Variants in NUS1 observed in about 807,000 individuals in gnomAD.
NUS1 encodes the protein NUS1 dehydrodolichyl diphosphate synthase subunit.
For missense variants in NUS1, 292 were observed against 382.9 expected (o/e 0.76, Z 1.98); for synonymous variants, 135 against 155.2 (o/e 0.87, Z 0.97).
intron 1 of NUS1, among the ~76,000 whole-genome samples, chr6:117,691,613 T>C (rs1773222358): frequency 6.9e-6 from 1 of 145,676 alleles, no homozygotes; most frequent in African/African-American, 2.5e-5. Flanking sequence ...TCAAAAGTGA[T>C]ATAATTTTGA....
chr6:117,693,952 C>T (rs1322086945), intron 2 of NUS1, 79 bp from the exon 3 acceptor site: 17 of 1,485,492 alleles, frequency 1.1e-5, no homozygotes, highest in East Asian at 9.5e-5. Flanking sequence ...TTGGTTTAAC[C>T]TTGTATTTCT....
chr6:117,679,573 C>G (rs766244152), intron 1 of NUS1, among the ~76,000 whole-genome samples: 14 of 152,190 alleles, frequency 9.2e-5, no homozygotes, highest in Admixed American at 5.2e-4. Context: ...TCATAGCTTT[C>G]ATTCAGATAG....
chr6:117,702,781 CT>C (rs1293823531), intron 3 of NUS1, among the ~76,000 whole-genome samples: 1 of 152,078 alleles, frequency 6.6e-6, no homozygotes, highest in Non-Finnish European at 1.5e-5. Context: ...ATCCAGTTTC[CT>C]TATTTGACAA....
intron 1 of NUS1, among the ~76,000 whole-genome samples, chr6:117,676,424 C>G (rs1455252583): frequency 6.6e-6 from 1 of 152,018 alleles, no homozygotes; most frequent in Non-Finnish European, 1.5e-5. Flanking sequence ...ACTAAAAATA[C>G]AAGTTTAGTC....
At position 117,689,714 on chromosome 6, in the gene NUS1, A is replaced by G. The variant is rs150493335; in HGVS notation, c.416-3328A>G. Among the ~76,000 whole-genome samples, 315 of 152,246 alleles carry G rather than the reference A, an allele frequency of 2.1e-3. 1 individual carries two copies. Among genetic ancestry groups the G allele is most frequent in the African/African-American group, 7.2e-3 (300 of 41,542 alleles). ...ATAGCTGGGACTAAGAGCGTGTGCCACCACGTCCAGCTAATTAAAAAACAT... is the reference window on the plus strand; with the variant it reads ...ATAGCTGGGACTAAGAGCGTGTGCCGCCACGTCCAGCTAATTAAAAAACAT... On this transcript the variant is annotated intron_variant, in intron 1 of 4. Transcript: ENST00000368494.
chr6:117,691,558 G>GATAGATATATATATATAT (rs1450180747), intron 1 of NUS1, among the ~76,000 whole-genome samples: 3 of 136,980 alleles, frequency 2.2e-5, no homozygotes, highest in African/African-American at 5.4e-5. Flanking sequence ...CATAGATATA[G>GATAGATATATATATATAT]ATATATATAT....
At position 117,702,942 on chromosome 6, in the gene NUS1, C is replaced by G. The variant is rs1434423765; in HGVS notation, c.692-663C>G. On this transcript the variant is annotated intron_variant, in intron 3 of 4. Coordinates refer to ENST00000368494, the MANE Select transcript of NUS1 (RefSeq NM_138459.5). ...TTTATTTTTAAGCTATTGAAATACC[C>G]TTGTCCTTTTTTTCCCCAAGTCAGG... is the stretch of plus-strand genomic sequence containing the variant. Among the ~76,000 whole-genome samples the G allele has an allele frequency of 2.6e-5, 4 of 152,078 alleles. No homozygotes were observed. In the East Asian group the frequency reaches 5.8e-4, roughly 22 times the overall value.
At chr6:117,687,677 T>C (rs1773160205) in intron 1 of NUS1, among the ~76,000 whole-genome samples, 1 of 152,204 alleles carries the variant, frequency 6.6e-6, no homozygotes, top group South Asian at 2.1e-4. Context: ...TAGGCAATTC[T>C]AATTTGTGGG....
chr6:117,703,711 A>T lies in NUS1; in HGVS notation c.791+7A>T, dbSNP rs749556280. ...TCAGATTGACTGAGATTGTGTAAGTAATTAAAAGCGTACTGACTTTGTTTA... is the reference window on the plus strand; with the variant it reads ...TCAGATTGACTGAGATTGTGTAAGTTATTAAAAGCGTACTGACTTTGTTTA... On this transcript the variant is annotated splice_region_variant and intron_variant, in intron 4 of 4. Coordinates refer to ENST00000368494, the MANE Select transcript of NUS1 (RefSeq NM_138459.5). 1.9e-6 allele frequency: 3 copies of T among 1,591,640 alleles called. No individual in the cohort carries two copies. The highest frequency in any genetic ancestry group is 2.6e-6 in the Non-Finnish European group (3 of 1,159,522).
chr6:117,706,662 A>G (rs949713921), intron 4 of NUS1, among the ~76,000 whole-genome samples: 1 of 152,088 alleles, frequency 6.6e-6, no homozygotes, highest in African/African-American at 2.4e-5. Context: ...TCTTCAATGA[A>G]CACTCGTCAA....
chr6:117,696,825 T>G (rs1195793110), intron 3 of NUS1, among the ~76,000 whole-genome samples: 1 of 152,124 alleles, frequency 6.6e-6, no homozygotes, highest in African/African-American at 2.4e-5. Flanking sequence ...ATAAATCATC[T>G]GAAGGTACAA....
At chr6:117,676,254 G>A (rs546014637) in intron 1 of NUS1, among the ~76,000 whole-genome samples, 169 bp downstream of exon 1, 120 of 152,358 alleles carry the variant, frequency 7.9e-4, no homozygotes, top group African/African-American at 2.7e-3. Flanking sequence ...CTAATTCTCT[G>A]GATTTGACTC....
At chr6:117,703,544 G>C (rs1016777885) in intron 3 of NUS1, 61 bp from the exon 4 acceptor site, 7 of 787,054 alleles carry the variant, frequency 8.9e-6, no homozygotes, top group Non-Finnish European at 1.4e-5. Context: ...GTGTGTTTCT[G>C]TGTGTGTGTG....
At chr6:117,678,461 A>G (rs1406405442) in intron 1 of NUS1, among the ~76,000 whole-genome samples, 2 of 152,130 alleles carry the variant, frequency 1.3e-5, no homozygotes, top group African/African-American at 4.8e-5. Flanking sequence ...GTGGGTAAAT[A>G]TGTGGTAATG....
At chr6:117,686,835 T>A (rs1243333972) in intron 1 of NUS1, among the ~76,000 whole-genome samples, 1 of 148,722 alleles carries the variant, frequency 6.7e-6, no homozygotes, top group Non-Finnish European at 1.5e-5. Context: ...ATTTCTTGTG[T>A]ATCATGTGAA....
intron 1 of NUS1, among the ~76,000 whole-genome samples, chr6:117,680,439 T>A (rs1488286764): frequency 6.6e-6 from 1 of 152,224 alleles, no homozygotes; most frequent in African/African-American, 2.4e-5. Flanking sequence ...ATGGAACTTG[T>A]TCTTATTTCC....
At chr6:117,693,279 T>A in intron 2 of NUS1, 112 bp downstream of exon 2, 2 of 1,078,572 alleles carry the variant, frequency 1.9e-6, no homozygotes, top group Non-Finnish European at 2.8e-6. Context: ...TGTTACTCTT[T>A]ATTGTCAACA....
chr6:117,682,324 G>A (rs1773073259), intron 1 of NUS1, among the ~76,000 whole-genome samples: 2 of 152,188 alleles, frequency 1.3e-5, no homozygotes, highest in South Asian at 4.1e-4. Context: ...CCTTTGCTGA[G>A]TGTGGTGGCT....
Position 117,675,734 on chromosome 6 carries a change from C to T in NUS1, c.64C>T (p.Leu22Phe), listed in dbSNP as rs1210775171. The change falls in exon 1 of 5, where the codon CTC (leucine) becomes TTC (phenylalanine). Residue 22 changes from leucine to phenylalanine, a missense_variant. Physicochemically the swap from Leu to Phe is conservative, Grantham distance 22 (BLOSUM62 0). Coordinates refer to ENST00000368494, the MANE Select transcript of NUS1 (RefSeq NM_138459.5). ...LHALLCLHRTLTSWLRVRFGT... is the reference protein window; with the variant it reads ...LHALLCLHRTFTSWLRVRFGT... ...CGCGCTGCTCTGTCTGCACCGCACG[C>T]TCACCTCCTGGCTCCGCGTTCGGTT... The T allele has an allele frequency of 2.6e-6, 4 of 1,539,582 alleles. No individual in the cohort carries two copies. The highest frequency in any genetic ancestry group is 1.2e-5 in the South Asian group (1 of 84,028).
Sources: allele counts gnomAD v4.1 joint callset (sites outside exome capture counted in the v4.1 genomes callset), GRCh38; gene constraint gnomAD v4.1.1; transcripts MANE v1.5; gene names NCBI Gene and HGNC (gene_info 2026-07-23, HGNC 2026-07-21).